HPSE2: variants seen among roughly 807,000 people sequenced by gnomAD.
HPSE2 encodes the protein inactive heparanase-2.
HPSE2 carries 38 observed loss-of-function variants against 60.5 expected under a neutral mutation model. That is an observed-to-expected ratio of 0.63 (90% CI 0.48 to 0.82). HPSE2 has a LOEUF of 0.82. Ranked by LOEUF, HPSE2 falls within the 40% of genes least tolerant of loss-of-function variation. The pLI is 0.00. For missense variants in HPSE2, 713 were observed against 740.4 expected (o/e 0.96, Z 0.43); for synonymous variants, 295 against 293.2 (o/e 1.01, Z -0.06).
chr10:98,614,296 G>GT (rs11428510), intron 9 of HPSE2, among the ~76,000 whole-genome samples: 95,324 of 144,886 alleles, frequency 0.66, 35,133 homozygotes, highest in Non-Finnish European at 0.83. Context: ...GGATTGTTTT[G>GT]TTTTTTTTTT....
intron 2 of HPSE2, among the ~76,000 whole-genome samples, chr10:99,163,794 C>T (rs1434518127): frequency 2.0e-5 from 3 of 151,888 alleles, no homozygotes; most frequent in Non-Finnish European, 2.9e-5. Context: ...TTGAAGAGTA[C>T]TGGTCAGGTA....
intron 3 of HPSE2, among the ~76,000 whole-genome samples, chr10:99,135,204 C>CAGATTCACAA: frequency 6.6e-6 from 1 of 151,188 alleles, no homozygotes; most frequent in South Asian, 2.1e-4. Context: ...CAAGAACACT[C>CAGATTCACAA]AGCAAGTTCT....
At chr10:98,920,828 G>T (rs980329632) in intron 3 of HPSE2, among the ~76,000 whole-genome samples, 1 of 152,080 alleles carries the variant, frequency 6.6e-6, no homozygotes, top group African/African-American at 2.4e-5. Flanking sequence ...GAGCTCCAGG[G>T]GCACAAGCAA....
intron 9 of HPSE2, among the ~76,000 whole-genome samples, chr10:98,568,840 C>T (rs1014351170): frequency 6.6e-6 from 1 of 152,092 alleles, no homozygotes; most frequent in Non-Finnish European, 1.5e-5. Context: ...TTCCTAATTC[C>T]TGGCAATCTA....
chr10:99,232,328 A>G lies in HPSE2; in HGVS notation c.448+20T>C. 6.4e-7 allele frequency: 1 copy of G among 1,551,008 alleles called. No homozygotes were observed. Among genetic ancestry groups the G allele is most frequent in the East Asian group, 2.4e-5 (1 of 40,856 alleles). ...CTTGCTTCCGCTCCCCAAATAAAGA[A>G]TGGTAATCAAGTTTCTCACCATCCT... On this transcript the variant is annotated intron_variant, in intron 2 of 11. Transcript: ENST00000370552.
At chr10:99,020,791 G>A (rs186119472) in intron 3 of HPSE2, among the ~76,000 whole-genome samples, 59 of 152,210 alleles carry the variant, frequency 3.9e-4, no homozygotes, top group African/African-American at 1.3e-3. Context: ...AGATGTACCT[G>A]GGGACAGGTG....
intron 3 of HPSE2, among the ~76,000 whole-genome samples, chr10:98,766,450 T>C (rs751646135): frequency 6.6e-6 from 1 of 152,168 alleles, no homozygotes; most frequent in Non-Finnish European, 1.5e-5. Context: ...GCCAGCATTA[T>C]CCTTGTAACA....
intron 9 of HPSE2, among the ~76,000 whole-genome samples, chr10:98,529,152 T>C (rs997329262): frequency 9.2e-5 from 14 of 152,260 alleles, no homozygotes; most frequent in African/African-American, 2.9e-4. Context: ...AGATGAATTA[T>C]GCAAGTAAAT....
At chr10:98,785,732 G>C (rs1314020014) in intron 3 of HPSE2, among the ~76,000 whole-genome samples, 2 of 129,176 alleles carry the variant, frequency 1.5e-5, no homozygotes, top group Admixed American at 1.6e-4. Flanking sequence ...TATTTGCATA[G>C]AGGTGTTTGT....
chr10:98,769,499 T>G (rs1336365551), intron 3 of HPSE2, among the ~76,000 whole-genome samples: 1 of 152,180 alleles, frequency 6.6e-6, no homozygotes, highest in Non-Finnish European at 1.5e-5. Context: ...GATAAAGCAG[T>G]AACAAGTATA....
chr10:99,308,869 C>A, the HPSE2 span, among the ~76,000 whole-genome samples: 2 of 152,120 alleles, frequency 1.3e-5, no homozygotes, highest in Non-Finnish European at 1.5e-5. Flanking sequence ...CCAAAATAGG[C>A]GATTCTGATG....
intron 2 of HPSE2, among the ~76,000 whole-genome samples, chr10:99,180,889 C>CAAAAAAAAAAAA (rs68033581): frequency 3.4e-5 from 1 of 29,702 alleles, no homozygotes; most frequent in African/African-American, 2.2e-4. Context: ...GACTCCATCT[C>CAAAAAAAAAAAA]AAAAAAAAAA....
At chr10:98,483,051 T>C (rs550702488) in intron 10 of HPSE2, among the ~76,000 whole-genome samples, 1 of 152,170 alleles carries the variant, frequency 6.6e-6, no homozygotes, top group African/African-American at 2.4e-5. Context: ...ATGGCATATA[T>C]TACCATAGTA....
At chr10:98,678,247 C>A (rs1338540991) in intron 6 of HPSE2, among the ~76,000 whole-genome samples, 1 of 152,064 alleles carries the variant, frequency 6.6e-6, no homozygotes, top group African/African-American at 2.4e-5. Flanking sequence ...GACAATTTTT[C>A]TTACATTTTT....
At position 99,154,095 on chromosome 10, in the gene HPSE2, G is replaced by T. The variant is rs1412709776; in HGVS notation, c.449-9696C>A. Among the ~76,000 whole-genome samples, 3 of 149,212 alleles carry T rather than the reference G, an allele frequency of 2.0e-5. No homozygotes were observed. In the East Asian group the frequency reaches 6.0e-4, roughly 30 times the overall value. On this transcript the variant is annotated intron_variant, in intron 2 of 11. Transcript: ENST00000370552. ...TGAGCAAAGCCTCCAAGAAATATGA[G>T]ACTATGTGAAAAGACCAAATCTACG...
At chr10:99,314,351 C>T in the HPSE2 span, among the ~76,000 whole-genome samples, 7 of 151,830 alleles carry the variant, frequency 4.6e-5, no homozygotes, top group Non-Finnish European at 1.5e-5. Flanking sequence ...TTTGTAGAGA[C>T]AGGGTTTCGC....
At chr10:98,884,486 T>G (rs1016189440) in intron 3 of HPSE2, among the ~76,000 whole-genome samples, 3 of 152,160 alleles carry the variant, frequency 2.0e-5, no homozygotes, top group Admixed American at 6.6e-5. Context: ...CGTTAGGGGC[T>G]AATGCAGCTG....
At chr10:98,590,224 C>T (rs759582766) in intron 9 of HPSE2, among the ~76,000 whole-genome samples, 38 of 152,304 alleles carry the variant, frequency 2.5e-4, no homozygotes, top group Middle Eastern at 3.4e-3. Flanking sequence ...AGGTGGATCA[C>T]GAGGTCAGGA....
chr10:99,266,428 CCT>C, the HPSE2 span, among the ~76,000 whole-genome samples: 1 of 152,086 alleles, frequency 6.6e-6, no homozygotes. Context: ...CCATAATCCC[CCT>C]GAGAATATAA....
Sources: gnomAD v4.1 joint callset for allele counts (sites outside exome capture counted in the v4.1 genomes callset) on GRCh38, gnomAD v4.1.1 for gene constraint, MANE v1.5 for transcripts, NCBI Gene and HGNC (gene_info 2026-07-23, HGNC 2026-07-21) for gene names.